LGR6: variants seen among roughly 807,000 people sequenced by gnomAD.
LGR6 encodes leucine rich repeat containing G protein-coupled receptor 6, also known as leucine-rich repeat-containing G protein-coupled receptor 6.
Under a neutral mutation model 69.4 loss-of-function variants are expected in LGR6, and 45 were observed. The ratio of observed to expected loss-of-function variants is 0.65; its 90% CI spans 0.51 to 0.83. The LOEUF (loss-of-function observed/expected upper bound fraction) is 0.83, where lower values mean the gene tolerates loss of function less well. Ranked by LOEUF, LGR6 falls within the 40% of genes least tolerant of loss-of-function variation. LGR6 has a pLI of 0.00. For synonymous variants in LGR6, 538 were observed against 555.0 expected (o/e 0.97, Z 0.43); for missense variants, 1,108 against 1,246.7 (o/e 0.89, Z 1.68).
rs1664844927 is a variant in LGR6, at chr1:202,268,453, C to T, written c.429-7853C>T. Reference sequence around the variant, plus strand: ...CACAGAATAACCATTTCCATAGTGGCTGCTTTTTTTTTTTTTAACTTTTAA... The same window carrying T: ...CACAGAATAACCATTTCCATAGTGGTTGCTTTTTTTTTTTTTAACTTTTAA... On this transcript the variant is annotated intron_variant, in intron 4 of 17. Transcript: ENST00000367278. The surrounding 1 kb of genome is among the most constrained non-coding windows in gnomAD (Gnocchi z 4.4). Among the ~76,000 whole-genome samples, 1 of 151,694 alleles carries T rather than the reference C, an allele frequency of 6.6e-6. No homozygotes were observed. The highest frequency in any genetic ancestry group is 6.6e-5 in the Admixed American group (1 of 15,248).
At chr1:202,273,048 G>T (rs149771300) in intron 4 of LGR6, among the ~76,000 whole-genome samples, 1 of 152,176 alleles carries the variant, frequency 6.6e-6, no homozygotes, top group African/African-American at 2.4e-5. Flanking sequence ...GAATTTTGAC[G>T]TTAGACAACT....
intron 13 of LGR6, 84 bp from the exon 14 acceptor site, chr1:202,307,246 G>A (rs985018093): frequency 1.4e-5 from 18 of 1,314,638 alleles, no homozygotes; most frequent in Non-Finnish European, 2.0e-5. Context: ...GTCAGATGGG[G>A]GTATGTGAGG....
Position 202,310,375 on chromosome 1 carries a change from C to T in LGR6, c.1567+18C>T. The T allele has an allele frequency of 6.2e-7, 1 of 1,612,052 alleles. No homozygotes were observed. The highest frequency in any genetic ancestry group is 1.3e-5 in the African/African-American group (1 of 74,918). ...GAACCACTGTGAGTGACCAGGGGCC[C>T]TGGGTTGGGGAGGGTAGTGGGCTGT... On this transcript the variant is annotated intron_variant, in intron 16 of 17. Coordinates refer to ENST00000367278, the MANE Select transcript of LGR6 (RefSeq NM_001017403.2).
chr1:202,313,763 A>G (rs1317078107), intron 16 of LGR6, among the ~76,000 whole-genome samples: 49 of 152,248 alleles, frequency 3.2e-4, no homozygotes, highest in Admixed American at 3.2e-3. Context: ...TATTTAATAC[A>G]TTCATATAAT....
intron 11 of LGR6, 58 bp from the exon 12 acceptor site, chr1:202,305,626 G>T: frequency 9.5e-6 from 14 of 1,479,786 alleles, no homozygotes; most frequent in Non-Finnish European, 1.1e-5. Context: ...CCCCGTCCCC[G>T]AGCAGCCCTC....
chr1:202,207,011 G>A (rs554191851), intron 1 of LGR6, among the ~76,000 whole-genome samples: 4 of 152,024 alleles, frequency 2.6e-5, no homozygotes, highest in African/African-American at 9.6e-5. Context: ...TCCGCCTCTC[G>A]GGTTCAAGCG....
chr1:202,235,517 T>TTTA (rs1287595852), intron 3 of LGR6, among the ~76,000 whole-genome samples: 1 of 152,184 alleles, frequency 6.6e-6, no homozygotes, highest in South Asian at 2.1e-4. Flanking sequence ...TAAAGAAACC[T>TTTA]TTAGCCTTTC....
At chr1:202,225,844 T>C (rs998581764) in intron 2 of LGR6, among the ~76,000 whole-genome samples, 2 of 152,044 alleles carry the variant, frequency 1.3e-5, no homozygotes, top group Non-Finnish European at 2.9e-5. Context: ...CTCTGGGATG[T>C]CTCTCACCTC....
intron 4 of LGR6, among the ~76,000 whole-genome samples, 189 bp from the exon 5 acceptor site, chr1:202,276,117 A>G (rs888143775): frequency 2.6e-5 from 4 of 152,144 alleles, no homozygotes; most frequent in African/African-American, 7.2e-5. Context: ...AAAAAGAACT[A>G]TGGGTTGGAA....
At chr1:202,279,069 T>C (rs1665810435) in intron 5 of LGR6, among the ~76,000 whole-genome samples, 1 of 151,976 alleles carries the variant, frequency 6.6e-6, no homozygotes, top group Non-Finnish European at 1.5e-5. Context: ...TTAGCTGAGA[T>C]GGCCTGGACC....
intron 11 of LGR6, 52 bp downstream of exon 11, chr1:202,304,682 G>A: frequency 6.9e-7 from 1 of 1,458,514 alleles, no homozygotes; most frequent in Non-Finnish European, 9.6e-7. Flanking sequence ...CTACCCCCAT[G>A]TCCCACAAAA....
chr1:202,232,577 G>C (rs1661176488), intron 3 of LGR6, among the ~76,000 whole-genome samples: 1 of 151,934 alleles, frequency 6.6e-6, no homozygotes, highest in Admixed American at 6.5e-5. Flanking sequence ...TAATCCCAGG[G>C]CTGTGGAGGG....
At chr1:202,209,786 C>T (rs1659390770) in intron 1 of LGR6, among the ~76,000 whole-genome samples, 2 of 152,194 alleles carry the variant, frequency 1.3e-5, no homozygotes, top group Admixed American at 1.3e-4. Flanking sequence ...CAGGCCTCAA[C>T]CCTGACCTAC....
chr1:202,318,611 G>C lies in LGR6; in HGVS notation c.2308G>C (p.Ala770Pro). The C allele has an allele frequency of 2.5e-6, 4 of 1,613,932 alleles. No homozygotes were observed. The highest frequency in any genetic ancestry group is 3.4e-6 in the Non-Finnish European group (4 of 1,180,030). Reference protein sequence around the residue: ...RGDFEAVWDCAMVRHVAWLIF... With the variant: ...RGDFEAVWDCPMVRHVAWLIF... ...CGACTTTGAGGCCGTGTGGGACTGC[G>C]CCATGGTGAGGCACGTGGCCTGGCT... Residue 770 changes from alanine (A) to proline (P), a missense_variant, in exon 18 of 18, where the codon GCC (alanine) becomes CCC (proline). Ala to Pro is a conservative substitution (Grantham distance 27). Coordinates refer to ENST00000367278, the MANE Select transcript of LGR6 (RefSeq NM_001017403.2).
At chr1:202,212,882 C>T (rs1269388940) in intron 1 of LGR6, among the ~76,000 whole-genome samples, 1 of 152,140 alleles carries the variant, frequency 6.6e-6, no homozygotes, top group Non-Finnish European at 1.5e-5. Flanking sequence ...TTGCACAGCT[C>T]TGAGGCAGGC....
Position 202,305,694 on chromosome 1 carries a change from C to G in LGR6, c.1081C>G (p.His361Asp). 6.2e-7 allele frequency: 1 copy of G among 1,613,856 alleles called. No individual in the cohort carries two copies. The highest frequency in any genetic ancestry group is 8.5e-7 in the Non-Finnish European group (1 of 1,179,996). ...TTCTCTTTTCCCCAGGGAACTGTCT[C>G]ACAATCAAATTGAGGAGCTGCCCAG... is the stretch of plus-strand genomic sequence containing the variant. ...LPRLRVLELS[H>D]NQIEELPSLH... The change falls in exon 12 of 18, where the codon CAC (histidine) becomes GAC (aspartate). Residue 361 changes from histidine (H) to aspartate (D), a missense_variant. His to Asp is a moderately conservative substitution (Grantham distance 81). Coordinates refer to ENST00000367278, the MANE Select transcript of LGR6 (RefSeq NM_001017403.2).
At chr1:202,261,822 C>G (rs1195421283) in intron 4 of LGR6, among the ~76,000 whole-genome samples, 1 of 152,190 alleles carries the variant, frequency 6.6e-6, no homozygotes, top group Non-Finnish European at 1.5e-5. Flanking sequence ...ATTTGCATTT[C>G]TCTGATGGCC....
intron 1 of LGR6, among the ~76,000 whole-genome samples, chr1:202,218,611 C>T (rs183300718): frequency 1.0e-3 from 158 of 152,256 alleles, no homozygotes; most frequent in African/African-American, 3.5e-3. Context: ...GGGACAGTCC[C>T]GCCCAGTAAA....
Position 202,275,386 on chromosome 1 carries a change from T to A in LGR6, c.429-920T>A, listed in dbSNP as rs186512482. 4.8e-3 allele frequency among the ~76,000 whole-genome samples: 733 copies of A among 152,332 alleles called. 8 individuals carry two copies. The highest frequency in any genetic ancestry group is 0.016 in the African/African-American group (667 of 41,566). On this transcript the variant is annotated intron_variant, in intron 4 of 17. Transcript: ENST00000367278. ...GAGACAGTAGCATGTTGATAAAGGC[T>A]GTCGTGGCCTGGGCACATGTGTAAA...
Sources: allele counts gnomAD v4.1 joint callset (sites outside exome capture counted in the v4.1 genomes callset), GRCh38; gene constraint gnomAD v4.1.1; non-coding constraint Gnocchi (gnomAD v3.1); transcripts MANE v1.5; gene names NCBI Gene and HGNC (gene_info 2026-07-23, HGNC 2026-07-21).